Variants in RUNX1T1 observed in about 807,000 individuals in gnomAD.
RUNX1T1 encodes protein CBFA2T1.
Under a neutral mutation model 62.8 loss-of-function variants are expected in RUNX1T1, and 4 were observed. That is an observed-to-expected ratio of 0.06 (90% CI 0.03 to 0.15). RUNX1T1 has a LOEUF of 0.15. Ranked by LOEUF, RUNX1T1 falls within the 10% of genes least tolerant of loss-of-function variation. The probability of loss-of-function intolerance (pLI) is 1.00; values close to 1 mark genes in which losing one functional copy is unlikely to be tolerated. For missense variants in RUNX1T1, 508 were observed against 754.3 expected (o/e 0.67, Z 3.82); for synonymous variants, 291 against 286.0 (o/e 1.02, Z -0.18).
intron 1 of RUNX1T1, among the ~76,000 whole-genome samples, chr8:92,021,637 C>T (rs1342293718): frequency 2.0e-5 from 3 of 152,180 alleles, no homozygotes; most frequent in South Asian, 4.2e-4. Flanking sequence ...TTAGTTTTCC[C>T]GAGCCTCAGT....
chr8:92,096,401 G>A (rs914527558), intron 1 of RUNX1T1, among the ~76,000 whole-genome samples: 1 of 152,180 alleles, frequency 6.6e-6, no homozygotes, highest in Non-Finnish European at 1.5e-5. Flanking sequence ...AAGGGCTAAT[G>A]CTTGTCCGTC....
intron 2 of RUNX1T1, among the ~76,000 whole-genome samples, chr8:92,068,965 C>T (rs1349425042): frequency 6.6e-6 from 1 of 151,944 alleles, no homozygotes; most frequent in East Asian, 1.9e-4. Flanking sequence ...TAGTATTTGT[C>T]CAAAAATAAT....
At position 91,986,966 on chromosome 8, in the gene RUNX1T1, T is replaced by G. The variant is rs762896572; in HGVS notation, c.917A>C (p.His306Pro). The G allele has an allele frequency of 2.5e-6, 4 of 1,609,046 alleles. No homozygotes were observed. In the African/African-American group the frequency reaches 4.0e-5, roughly 16 times the overall value. The change falls in exon 7 of 11, where the codon CAT (histidine) becomes CCT (proline). Residue 306 changes from histidine (H) to proline (P), a missense_variant. Physicochemically the swap from His to Pro is moderately conservative, Grantham distance 77 (BLOSUM62 -2). Transcript: ENST00000396218. ...AATCATTTCTTCTTGACGTGTGCCATGCAACCCTACAAAAATAGAGAAGGC... is the reference window on the plus strand; with the variant it reads ...AATCATTTCTTCTTGACGTGTGCCAGGCAACCCTACAAAAATAGAGAAGGC...
intron 1 of RUNX1T1, among the ~76,000 whole-genome samples, chr8:92,089,065 T>C (rs537174308): frequency 6.6e-6 from 1 of 152,278 alleles, no homozygotes; most frequent in South Asian, 2.1e-4. Flanking sequence ...GATGAAAATA[T>C]CATTACTTCC....
intron 1 of RUNX1T1, among the ~76,000 whole-genome samples, chr8:92,044,204 C>G (rs895375440): frequency 3.6e-4 from 55 of 152,064 alleles, no homozygotes; most frequent in Non-Finnish European, 8.1e-4. Flanking sequence ...TAAAATGAAC[C>G]AATATGCACT....
chr8:91,959,412 TTG>T (rs56037232), exon 11 of RUNX1T1: 6,613 of 138,810 alleles, frequency 0.048, 177 homozygotes, highest in Non-Finnish European at 0.063. Context: ...AGTCTCTTAC[TTG>T]TGTGTGTGTG....
At chr8:91,984,338 T>G (rs1053103179) in intron 8 of RUNX1T1, among the ~76,000 whole-genome samples, 1 of 152,174 alleles carries the variant, frequency 6.6e-6, no homozygotes, top group South Asian at 2.1e-4. Flanking sequence ...ATAACTCGCT[T>G]AGGTATGAAG....
chr8:92,086,452 G>C (rs1343283464), intron 1 of RUNX1T1, among the ~76,000 whole-genome samples: 1 of 152,188 alleles, frequency 6.6e-6, no homozygotes, highest in Non-Finnish European at 1.5e-5. Context: ...TGTGGAAAGA[G>C]GCAAAACACA....
At chr8:91,970,451 C>G (rs1297520119) in intron 10 of RUNX1T1, among the ~76,000 whole-genome samples, 1 of 152,188 alleles carries the variant, frequency 6.6e-6, no homozygotes, top group Non-Finnish European at 1.5e-5. Flanking sequence ...ACCAAACATT[C>G]AAAACCTTTT....
At chr8:92,063,288 G>A (rs116474700), upstream of RUNX1T1, among the ~76,000 whole-genome samples, 12 of 152,182 alleles carry the variant, frequency 7.9e-5, no homozygotes, top group South Asian at 1.7e-3. Context: ...AAGCTGAGCC[G>A]ACCACTTTTA....
At chr8:92,083,374 A>C (rs1835580796) in intron 1 of RUNX1T1, among the ~76,000 whole-genome samples, 1 of 152,228 alleles carries the variant, frequency 6.6e-6, no homozygotes, top group Admixed American at 6.5e-5. Context: ...TAATATCCAG[A>C]ATCTACAAGG....
chr8:92,074,969 A>C (rs953293894), intron 2 of RUNX1T1, among the ~76,000 whole-genome samples: 20 of 152,218 alleles, frequency 1.3e-4, no homozygotes, highest in African/African-American at 4.6e-4. Context: ...CAAGAAAAAA[A>C]AACAACAACT....
chr8:92,102,934 C>A, upstream of RUNX1T1: 5 of 1,505,710 alleles, frequency 3.3e-6, no homozygotes, highest in Non-Finnish European at 4.4e-6. This position sits in a 1 kb window ranked among gnomAD's most constrained non-coding sequence, Gnocchi z 4.5. Context: ...TCTCGGCCGG[C>A]CCGCGGGGCG....
At chr8:92,034,791 C>CATATATATACACATAT (rs145057755) in intron 1 of RUNX1T1, among the ~76,000 whole-genome samples, 1 of 115,578 alleles carries the variant, frequency 8.7e-6, no homozygotes, top group Non-Finnish European at 1.8e-5. Context: ...TATATATATA[C>CATATATATACACATAT]ATATATACAC....
chr8:91,983,163 G>C (rs912493587), intron 8 of RUNX1T1, among the ~76,000 whole-genome samples: 18 of 151,304 alleles, frequency 1.2e-4, no homozygotes, highest in Middle Eastern at 6.8e-3. Context: ...TCCAACCCCC[G>C]ACCTCGTGAT....
exon 4 of RUNX1T1, chr8:92,011,002 C>G: frequency 6.4e-7 from 1 of 1,567,140 alleles, no homozygotes; most frequent in South Asian, 1.1e-5. Flanking sequence ...TGTGCAATAC[C>G]TTCAAAAATG....
At chr8:91,990,436 G>A (rs1288525097) in intron 6 of RUNX1T1, among the ~76,000 whole-genome samples, 2 of 152,148 alleles carry the variant, frequency 1.3e-5, no homozygotes, top group Non-Finnish European at 2.9e-5. Context: ...AGAGGAGACT[G>A]ACTATTGCTC....
downstream of RUNX1T1, chr8:91,955,211 C>A: frequency 4.6e-6 from 1 of 219,776 alleles, no homozygotes; most frequent in Non-Finnish European, 9.1e-6. Context: ...TCCTATTTGT[C>A]CAACATATCC....
chr8:92,069,776 TA>T (rs1186038037), intron 2 of RUNX1T1, among the ~76,000 whole-genome samples: 1 of 152,196 alleles, frequency 6.6e-6, no homozygotes, highest in Non-Finnish European at 1.5e-5. Context: ...TTAAAGCCTA[TA>T]AATCTCAATG....
Sources: allele counts gnomAD v4.1 joint callset (sites outside exome capture counted in the v4.1 genomes callset), GRCh38; gene constraint gnomAD v4.1.1; non-coding constraint Gnocchi (gnomAD v3.1); transcripts MANE v1.5; gene names NCBI Gene and HGNC (gene_info 2026-07-23, HGNC 2026-07-21).